SCMH1: variants seen among roughly 807,000 people sequenced by gnomAD.
The protein encoded by SCMH1 is polycomb protein SCMH1.
In SCMH1, 37 loss-of-function variants were observed where a neutral mutation model predicts 70.8. The observed-to-expected ratio is 0.52, with a 90% CI of 0.40 to 0.69. The LOEUF (loss-of-function observed/expected upper bound fraction) is 0.69. Ranked by LOEUF, SCMH1 falls within the 30% of genes least tolerant of loss-of-function variation. The pLI is 0.00. For missense variants in SCMH1, 607 were observed against 827.3 expected (o/e 0.73, Z 3.27); for synonymous variants, 292 against 307.4 (o/e 0.95, Z 0.52).
chr1:41,033,926 C>T (rs1644906534), intron 13 of SCMH1, 57 bp downstream of exon 14: 17 of 1,611,284 alleles, frequency 1.1e-5, no homozygotes, highest in South Asian at 8.8e-5. Context: ...TCACAAAGTA[C>T]TCTTCTCAGA....
In SCMH1 at chr1:41,034,080, CCA is replaced by C. The variant is rs1644937894; in HGVS notation, c.1678+3280_1678+3281del. 3 of 1,583,926 alleles carry C rather than the reference CCA, an allele frequency of 1.9e-6. No homozygotes were observed. In the African/African-American group the frequency reaches 4.0e-5, roughly 21 times the overall value. On this transcript the variant is annotated intron_variant, in intron 13 of 14. Transcript: ENST00000337495. ...AAAGACCAGGTTGGTGTCACCATCT[CCA>C]GTTTGCACATGAGGAACATTCTGCA...
chr1:41,174,438 A>G (rs11209615), intron 2 of SCMH1, among the ~76,000 whole-genome samples: 11,862 of 152,184 alleles, frequency 0.078, 596 homozygotes, highest in South Asian at 0.13. Context: ...TGTCTACAGT[A>G]CAGGAGATAC....
intron 6 of SCMH1, among the ~76,000 whole-genome samples, chr1:41,120,576 A>G (rs1671677937): frequency 6.6e-6 from 1 of 152,194 alleles, no homozygotes; most frequent in Admixed American, 6.5e-5. Flanking sequence ...TTTGAACCCA[A>G]GAAATTGCTA....
chr1:41,134,719 G>A (rs1642991301), intron 6 of SCMH1, among the ~76,000 whole-genome samples: 1 of 152,100 alleles, frequency 6.6e-6, no homozygotes, highest in Non-Finnish European at 1.5e-5. Context: ...TTTTCTTTAT[G>A]TAAGTTTCAC....
intron 8 of SCMH1, among the ~76,000 whole-genome samples, chr1:41,110,067 C>T (rs571471268): frequency 1.3e-5 from 2 of 152,160 alleles, no homozygotes; most frequent in Non-Finnish European, 2.9e-5. Context: ...AGAGCTATTA[C>T]CTCACAGTGC....
chr1:41,220,803 A>G (rs1451477602), intron 1 of SCMH1, among the ~76,000 whole-genome samples: 1 of 152,246 alleles, frequency 6.6e-6, no homozygotes, highest in Non-Finnish European at 1.5e-5. Context: ...AAACTGGTGT[A>G]TAAGAGGAGA....
chr1:41,109,636 T>C (rs778399766), intron 8 of SCMH1, among the ~76,000 whole-genome samples: 3 of 152,268 alleles, frequency 2.0e-5, no homozygotes, highest in Middle Eastern at 3.4e-3. Flanking sequence ...AAGCACCTGG[T>C]CTGGAAATGT....
At chr1:41,129,210 T>G (rs1165672327) in intron 6 of SCMH1, among the ~76,000 whole-genome samples, 3 of 152,166 alleles carry the variant, frequency 2.0e-5, no homozygotes, top group African/African-American at 7.2e-5. Flanking sequence ...AAAATATATA[T>G]CAAATTTACA....
At chr1:41,202,873 A>G (rs1349776100) in intron 1 of SCMH1, among the ~76,000 whole-genome samples, 3 of 152,184 alleles carry the variant, frequency 2.0e-5, no homozygotes, top group Admixed American at 2.0e-4. Context: ...CAACAGAAAT[A>G]TAAGCATAAT....
At chr1:41,221,121 G>A (rs543633589) in intron 1 of SCMH1, among the ~76,000 whole-genome samples, 2 of 152,054 alleles carry the variant, frequency 1.3e-5, no homozygotes, top group South Asian at 2.1e-4. Flanking sequence ...CATCAATACC[G>A]TATTTCAAAT....
chr1:41,127,372 A>G (rs1282114859), intron 6 of SCMH1, among the ~76,000 whole-genome samples: 1 of 152,116 alleles, frequency 6.6e-6, no homozygotes, highest in African/African-American at 2.4e-5. Flanking sequence ...TTGTCGGTCT[A>G]TCTAGATTTT....
chr1:41,155,900 G>A (rs1645485166), intron 4 of SCMH1, among the ~76,000 whole-genome samples: 1 of 148,922 alleles, frequency 6.7e-6, no homozygotes, highest in African/African-American at 2.5e-5. Context: ...CAGGAGAACT[G>A]CTTGAACCCG....
chr1:41,102,456 TCCTGCTCTG>T (rs1666863479), intron 8 of SCMH1, among the ~76,000 whole-genome samples: 1 of 152,226 alleles, frequency 6.6e-6, no homozygotes, highest in South Asian at 2.1e-4. Context: ...ATGGGTTGCC[TCCTGCTCTG>T]ATCCAGCTCA....
At chr1:41,128,144 T>C (rs999084083) in intron 6 of SCMH1, among the ~76,000 whole-genome samples, 7 of 152,228 alleles carry the variant, frequency 4.6e-5, no homozygotes, top group African/African-American at 1.2e-4. Context: ...TAAAGTATGT[T>C]TTAATAGCTA....
At chr1:41,151,100 T>A (rs1169876391) in intron 5 of SCMH1, among the ~76,000 whole-genome samples, 1 of 152,186 alleles carries the variant, frequency 6.6e-6, no homozygotes, top group Non-Finnish European at 1.5e-5. Flanking sequence ...ATCAGCCATA[T>A]CAAACACTGA....
At chr1:41,207,411 T>C (rs572148449) in intron 1 of SCMH1, among the ~76,000 whole-genome samples, 11 of 152,072 alleles carry the variant, frequency 7.2e-5, no homozygotes, top group Non-Finnish European at 1.6e-4. Context: ...ATAAAACAGA[T>C]TTTAAACCAG....
chr1:41,128,295 T>A (rs747153148), intron 6 of SCMH1, among the ~76,000 whole-genome samples: 1 of 152,206 alleles, frequency 6.6e-6, no homozygotes, highest in Non-Finnish European at 1.5e-5. Context: ...TTTTCCATGT[T>A]ATCATTTTCT....
intron 4 of SCMH1, chr1:41,152,565 T>C: frequency 6.2e-7 from 1 of 1,610,346 alleles, no homozygotes. Flanking sequence ...TATTTAAAGG[T>C]TAAACCAATT....
At chr1:41,241,829 G>C (rs1357129951) in intron 1 of SCMH1, among the ~76,000 whole-genome samples, 2 of 151,824 alleles carry the variant, frequency 1.3e-5, no homozygotes, top group African/African-American at 4.8e-5. Flanking sequence ...CCGCCCGACC[G>C]CAGATGCAGA....
Sources: allele counts gnomAD v4.1 joint callset (sites outside exome capture counted in the v4.1 genomes callset), GRCh38; gene constraint gnomAD v4.1.1; transcripts MANE v1.5; gene names NCBI Gene and HGNC (gene_info 2026-07-23, HGNC 2026-07-21).